The following ARID1B variants were observed in gnomAD, a reference collection of about 807,000 sequenced individuals.
ARID1B encodes AT-rich interaction domain 1B.
In ARID1B, 30 loss-of-function variants were observed where a neutral mutation model predicts 212.3. The ratio of observed to expected loss-of-function variants is 0.14; its 90% CI spans 0.11 to 0.19. The LOEUF (loss-of-function observed/expected upper bound fraction) is 0.19. Among genes scored for constraint, ARID1B ranks in the 10% least tolerant of loss-of-function variants. The probability of loss-of-function intolerance (pLI) is 1.00; values close to 1 mark genes in which losing one functional copy is unlikely to be tolerated. For missense variants in ARID1B, 2,891 were observed against 3,204.0 expected, an observed-to-expected ratio of 0.90 and a Z score of 2.36; for synonymous variants, 1,402 against 1,301.7, an observed-to-expected ratio of 1.08 and a Z score of -1.66.
rs185891412 is a variant in ARID1B at position 156,792,493 on chromosome 6, A to G, written c.1791+13022A>G. Among the ~76,000 whole-genome samples, 425 of 152,356 alleles carry G rather than the reference A, an allele frequency of 2.8e-3. 1 individual carries two copies. Among genetic ancestry groups the G allele is most frequent in the Non-Finnish European group, 4.5e-3 (303 of 68,036 alleles). On this transcript the variant is annotated intron_variant, in intron 1 of 19. Transcript: ENST00000636930. ...ACATTTTTGGATTTTTATTAGACAA[A>G]GCTAGTTTTAAAGAACATTTATCTT...
At position 157,094,352 on chromosome 6, in the gene ARID1B, GT is replaced by G. The variant is rs1448003521; in HGVS notation, c.2491+9454del. On this transcript the variant is annotated intron_variant, in intron 5 of 19. Transcript: ENST00000636930. This position sits in a 1 kb window ranked among gnomAD's most constrained non-coding sequence, Gnocchi z 4.3. ...GTAGGTTATGATTATGATTTAGGAG[GT>G]TTTTTTATTACTTCTTTTTGAGAAG... Among the ~76,000 whole-genome samples the G allele has an allele frequency of 1.3e-5, 2 of 151,928 alleles. No homozygotes were observed. Among genetic ancestry groups the G allele is most frequent in the African/African-American group, 2.4e-5 (1 of 41,354 alleles).
At chr6:156,914,191 C>T (rs1447934250) in intron 3 of ARID1B, among the ~76,000 whole-genome samples, 1 of 151,520 alleles carries the variant, frequency 6.6e-6, no homozygotes, top group East Asian at 1.9e-4. Context: ...CTCTACTCCC[C>T]AGCTCCCAGC....
chr6:157,114,549 A>T (rs1172662056), intron 6 of ARID1B, among the ~76,000 whole-genome samples: 1 of 150,704 alleles, frequency 6.6e-6, no homozygotes, highest in Non-Finnish European at 1.5e-5. Flanking sequence ...AAAAAAAAAA[A>T]AAGGTATATC....
intron 13 of ARID1B, among the ~76,000 whole-genome samples, chr6:157,188,019 A>G (rs1793100593): frequency 1.3e-5 from 2 of 152,052 alleles, no homozygotes; most frequent in East Asian, 3.9e-4. Context: ...TTACTCCAAT[A>G]TACCTTTTTA....
In ARID1B at chr6:156,930,052, C is replaced by A. The variant is rs555375565; in HGVS notation, c.2137-5414C>A. Among the ~76,000 whole-genome samples the A allele has an allele frequency of 7.2e-5, 11 of 152,212 alleles. No individual in the cohort carries two copies. In the East Asian group the frequency reaches 2.1e-3, roughly 29 times the overall value. Reference sequence around the variant, plus strand: ...GATGGACTGTAAGTGTAAATTGATACTTCCTTTGTTAAGAACAATTTGCCA... The same window carrying A: ...GATGGACTGTAAGTGTAAATTGATAATTCCTTTGTTAAGAACAATTTGCCA... On this transcript the variant is annotated intron_variant, in intron 3 of 19. Coordinates refer to ENST00000636930, the MANE Select transcript of ARID1B (RefSeq NM_001374828.1).
intron 1 of ARID1B, among the ~76,000 whole-genome samples, chr6:156,823,326 A>C (rs760382874): frequency 6.6e-6 from 1 of 152,150 alleles, no homozygotes; most frequent in Non-Finnish European, 1.5e-5. Context: ...AATAATTGCA[A>C]GGTGGGTTTT....
At chr6:156,784,766 G>C (rs887530012) in intron 1 of ARID1B, among the ~76,000 whole-genome samples, 4 of 152,026 alleles carry the variant, frequency 2.6e-5, no homozygotes, top group African/African-American at 9.7e-5. Context: ...TTAGTTATTT[G>C]TTTTTCTTTT....
intron 7 of ARID1B, among the ~76,000 whole-genome samples, chr6:157,145,551 G>A (rs1204387571): frequency 5.3e-5 from 8 of 152,206 alleles, no homozygotes; most frequent in Non-Finnish European, 8.8e-5. Flanking sequence ...GATCAGACGC[G>A]CAGTAAATGT....
intron 1 of ARID1B, among the ~76,000 whole-genome samples, chr6:156,788,505 A>T (rs533835181): frequency 6.6e-6 from 1 of 152,200 alleles, no homozygotes; most frequent in Non-Finnish European, 1.5e-5. Context: ...TCCCACTTTG[A>T]TGATCTGCAA....
Position 156,996,283 on chromosome 6 carries a change from C to G in ARID1B, c.2247+60707C>G, listed in dbSNP as rs112627446. Among the ~76,000 whole-genome samples, 178 of 152,292 alleles carry G rather than the reference C, an allele frequency of 1.2e-3. 1 individual carries two copies. The highest frequency in any genetic ancestry group is 4.1e-3 in the African/African-American group (171 of 41,554). ...TGAGCTCTAACTCAAGTAAGGATTT[C>G]TTTTCCTGCAGCGAGGTCATGTCTT... On this transcript the variant is annotated intron_variant, in intron 4 of 19. Transcript: ENST00000636930.
At chr6:157,110,161 C>A (rs79745708) in intron 5 of ARID1B, among the ~76,000 whole-genome samples, 11 of 152,288 alleles carry the variant, frequency 7.2e-5, no homozygotes, top group African/African-American at 2.6e-4. Flanking sequence ...CCCAGCTCTC[C>A]TACGTTTTCT....
At chr6:156,812,640 C>G (rs937455029) in intron 1 of ARID1B, among the ~76,000 whole-genome samples, 2 of 151,936 alleles carry the variant, frequency 1.3e-5, no homozygotes, top group South Asian at 4.2e-4. Flanking sequence ...ATGGGCATGG[C>G]CTCTGAGGTA....
intron 2 of ARID1B, among the ~76,000 whole-genome samples, chr6:156,861,278 C>A (rs952946831): frequency 6.6e-6 from 1 of 152,114 alleles, no homozygotes; most frequent in Admixed American, 6.5e-5. Flanking sequence ...GAAGAGTAAC[C>A]TGGAGAATGT....
At chr6:156,839,366 T>A (rs913973) in intron 2 of ARID1B, among the ~76,000 whole-genome samples, 100,890 of 152,012 alleles carry the variant, frequency 0.66, 34,097 homozygotes, top group African/African-American at 0.77. Context: ...TTATAAAGCC[T>A]TGAGTCCCAT....
chr6:157,006,631 A>C (rs146103894), intron 4 of ARID1B, among the ~76,000 whole-genome samples: 238 of 152,340 alleles, frequency 1.6e-3, no homozygotes, highest in Non-Finnish European at 2.7e-3. Flanking sequence ...AATGATGTCA[A>C]CAAGAAATGT....
intron 1 of ARID1B, among the ~76,000 whole-genome samples, chr6:156,814,675 C>T (rs1253097587): frequency 2.0e-5 from 3 of 152,004 alleles, no homozygotes; most frequent in Non-Finnish European, 4.4e-5. Flanking sequence ...GATTTAGGGA[C>T]CTGTGTAGAA....
intron 11 of ARID1B, among the ~76,000 whole-genome samples, chr6:157,179,988 TATG>T (rs1478013917): frequency 1.3e-5 from 2 of 152,182 alleles, no homozygotes; most frequent in Non-Finnish European, 2.9e-5. Flanking sequence ...ATAACCTAGG[TATG>T]CATAAATAAA....
In ARID1B at chr6:157,153,970, T is replaced by A. The variant is rs1416913763; in HGVS notation, c.3089+5019T>A. ...ACATTTTTTAAATGACTGAATCCAT[T>A]ATGTTTAAAGGCTGTGCGTGCAGAT... On this transcript the variant is annotated intron_variant, in intron 8 of 19. Transcript: ENST00000636930. Among the ~76,000 whole-genome samples, 3 of 152,180 alleles carry A rather than the reference T, an allele frequency of 2.0e-5. No homozygotes were observed. In the East Asian group the frequency reaches 5.8e-4, roughly 29 times the overall value.
intron 4 of ARID1B, among the ~76,000 whole-genome samples, chr6:156,965,937 T>C (rs1038470836): frequency 7.2e-5 from 11 of 152,218 alleles, no homozygotes; most frequent in African/African-American, 7.2e-5. Flanking sequence ...CTAAGATGTA[T>C]TATTTGTGTA....
Sources: gnomAD v4.1 joint callset for allele counts (sites outside exome capture counted in the v4.1 genomes callset) on GRCh38, gnomAD v4.1.1 for gene constraint, Gnocchi (gnomAD v3.1) non-coding constraint, MANE v1.5 for transcripts, NCBI Gene and HGNC (gene_info 2026-07-23, HGNC 2026-07-21) for gene names.